TAF8: variants seen among roughly 807,000 people sequenced by gnomAD.
TAF8 encodes the protein TATA-box binding protein associated factor 8.
Under a neutral mutation model 36.5 loss-of-function variants are expected in TAF8, and 47 were observed. The ratio of observed to expected loss-of-function variants is 1.29; its 90% CI spans 1.02 to 1.64. The LOEUF is 1.64. Ranked by LOEUF, TAF8 falls within the 40% of genes most tolerant of loss-of-function variation. The probability of loss-of-function intolerance (pLI) is 0.00; values close to 1 mark genes in which losing one functional copy is unlikely to be tolerated. For missense variants in TAF8, 420 were observed against 407.6 expected (o/e 1.03, Z -0.26); for synonymous variants, 175 against 159.5 (o/e 1.10, Z -0.73).
At chr6:42,067,894 A>G (rs565189545) in intron 6 of TAF8, among the ~76,000 whole-genome samples, 1 of 152,128 alleles carries the variant, frequency 6.6e-6, no homozygotes, top group Admixed American at 6.5e-5. Context: ...TTTTTATTCA[A>G]TTTCTTCCTC....
In TAF8 at chr6:42,060,478, A is replaced by C. The variant is rs188490260; in HGVS notation, c.489+2965A>C. 2.0e-3 allele frequency among the ~76,000 whole-genome samples: 297 copies of C among 152,300 alleles called. 1 individual carries two copies. Among genetic ancestry groups the C allele is most frequent in the African/African-American group, 6.6e-3 (274 of 41,568 alleles). ...TGTTCCATGAAGAATCTCAGATAAG[A>C]CTTTTTAAAAGCCGAGCCCAGCCAT... On this transcript the variant is annotated intron_variant, in intron 5 of 8. Transcript: ENST00000372977.
In TAF8 at chr6:42,080,497, T is replaced by A. The variant is rs1765891895; in HGVS notation, c.*2952T>A. ...AAGGGATTCTCCTGCCTCAGCCTCC[T>A]GAGTAGCTGGGATTACAGGCACCTA... is the stretch of plus-strand genomic sequence containing the variant. On this transcript the variant is annotated 3_prime_UTR_variant, in exon 9 of 9. Transcript: ENST00000372977. The A allele has an allele frequency of 1.0e-5, 5 of 486,678 alleles. No homozygotes were observed. In the South Asian group the frequency reaches 3.5e-4, roughly 34 times the overall value. 30.1% of individuals were successfully genotyped at this position (486,678 alleles called of 1,614,324 possible).
At chr6:42,070,799 G>A (rs535257914) in intron 7 of TAF8, among the ~76,000 whole-genome samples, 10 of 152,196 alleles carry the variant, frequency 6.6e-5, no homozygotes, top group Non-Finnish European at 1.2e-4. Flanking sequence ...ATACAGGAGA[G>A]AAAGAAAAGT....
chr6:42,050,591 G>C lies in TAF8; in HGVS notation c.45+5G>C. ...GGGGCCGGTGGCTCCGGAACGGTAAGGGCAGGAAGCGCGGGCTCGGAGCCG... is the reference window on the plus strand; with the variant it reads ...GGGGCCGGTGGCTCCGGAACGGTAACGGCAGGAAGCGCGGGCTCGGAGCCG... On this transcript the variant is annotated splice_donor_5th_base_variant and intron_variant, in intron 1 of 8. Coordinates refer to ENST00000372977, the MANE Select transcript of TAF8 (RefSeq NM_138572.3). 1.3e-6 allele frequency: 2 copies of C among 1,551,014 alleles called. No homozygotes were observed. Among genetic ancestry groups the C allele is most frequent in the Non-Finnish European group, 1.7e-6 (2 of 1,148,514 alleles).
chr6:42,066,338 C>T lies in TAF8; in HGVS notation c.516C>T (p.Tyr172=), dbSNP rs757391083. 6.2e-6 allele frequency: 10 copies of T among 1,614,012 alleles called. No individual in the cohort carries two copies. The South Asian group carries it at 8.8e-5, about 14-fold the overall frequency. Residue 172 remains tyrosine (Y), a synonymous_variant, in exon 6 of 9, where the codon TAC becomes TAT. Coordinates refer to ENST00000372977, the MANE Select transcript of TAF8 (RefSeq NM_138572.3). ...TPTYREPVSD[Y]QVLREKAASQ... is the part of the protein sequence containing the mutation. ...CGTACCGTGAGCCCGTGTCAGACTA[C>T]CAGGTCCTGCGGGAGAAGGCTGCAT...
In TAF8 at chr6:42,077,827, C is replaced by T; in HGVS notation, c.*282C>T. 6.5e-6 allele frequency: 7 copies of T among 1,080,630 alleles called. No individual in the cohort carries two copies. Among genetic ancestry groups the T allele is most frequent in the Non-Finnish European group, 7.2e-6 (6 of 831,806 alleles). 66.9% of individuals were successfully genotyped at this position (1,080,630 alleles called of 1,614,324 possible). ...CTGGAATGCAGTGGTGTGATCTCAG[C>T]TCACTGCAGTCTCAGCAACCCTGGG... On this transcript the variant is annotated 3_prime_UTR_variant, in exon 9 of 9. Transcript: ENST00000372977.
chr6:42,050,766 G>T, intron 1 of TAF8, 180 bp downstream of exon 1: 1 of 959,730 alleles, frequency 1.0e-6, no homozygotes, highest in African/African-American at 1.7e-5. Flanking sequence ...CTCCGGAGTT[G>T]GCGGACCTGT....
rs769766503 is a variant in TAF8 at position 42,077,127 on chromosome 6, A to G, written c.808A>G (p.Thr270Ala). Residue 270 changes from threonine to alanine, a missense_variant, in exon 8 of 9, where the codon ACC becomes GCC. Physicochemically the swap from Thr to Ala is moderately conservative, Grantham distance 58. Coordinates refer to ENST00000372977, the MANE Select transcript of TAF8 (RefSeq NM_138572.3). ...MEDSGAEKEN[T>A]SVLQQNPSLS... Reference sequence around the variant, plus strand: ...GGATTCTGGAGCCGAGAAGGAGAACACCTCTGTCCTGCAGCAGAACCCCTC... The same window carrying G: ...GGATTCTGGAGCCGAGAAGGAGAACGCCTCTGTCCTGCAGCAGAACCCCTC... 9.9e-6 allele frequency: 16 copies of G among 1,613,126 alleles called. No homozygotes were observed. Among genetic ancestry groups the G allele is most frequent in the Non-Finnish European group, 1.3e-5 (15 of 1,179,474 alleles).
At chr6:42,054,334 A>C (rs147663761) in intron 2 of TAF8, among the ~76,000 whole-genome samples, 1 of 152,354 alleles carries the variant, frequency 6.6e-6, no homozygotes, top group Non-Finnish European at 1.5e-5. Context: ...TGAGATATTC[A>C]TAAAAAAATT....
intron 6 of TAF8, among the ~76,000 whole-genome samples, chr6:42,067,615 T>G (rs560186783): frequency 8.5e-5 from 13 of 152,290 alleles, no homozygotes; most frequent in Admixed American, 7.8e-4. Flanking sequence ...TGTCGCCCAG[T>G]CTTGAGTACA....
At chr6:42,076,538 C>A (rs1379111213) in intron 7 of TAF8, among the ~76,000 whole-genome samples, 1 of 152,210 alleles carries the variant, frequency 6.6e-6, no homozygotes, top group African/African-American at 2.4e-5. Context: ...GGCTCTGCGT[C>A]CCTTAGTGGA....
At chr6:42,070,731 TAAAAG>T (rs1009634418) in intron 7 of TAF8, among the ~76,000 whole-genome samples, 3 of 152,070 alleles carry the variant, frequency 2.0e-5, no homozygotes, top group Admixed American at 1.3e-4. Flanking sequence ...TTTTTTAAGA[TAAAAG>T]AAATAACGTG....
At chr6:42,067,612 C>T (rs1231273600) in intron 6 of TAF8, among the ~76,000 whole-genome samples, 1 of 152,150 alleles carries the variant, frequency 6.6e-6, no homozygotes, top group Admixed American at 6.6e-5. Flanking sequence ...CTTTGTCGCC[C>T]AGTCTTGAGT....
At position 42,066,435 on chromosome 6, in the gene TAF8, A is replaced by G; in HGVS notation, c.613A>G (p.Lys205Glu). The G allele has an allele frequency of 6.2e-7, 1 of 1,614,172 alleles. No homozygotes were observed. The highest frequency in any genetic ancestry group is 8.5e-7 in the Non-Finnish European group (1 of 1,180,008). The change falls in exon 6 of 9, where the codon AAA becomes GAA. Residue 205 changes from lysine (K) to glutamate (E), a missense_variant. Coordinates refer to ENST00000372977, the MANE Select transcript of TAF8 (RefSeq NM_138572.3). Reference protein sequence around the residue: ...AKTGETQSLFKDDVSTFPLIA... With the variant: ...AKTGETQSLFEDDVSTFPLIA... ...GACAGGCGAGACTCAGAGTCTTTTC[A>G]AAGATGACGTCAGCACATTTCCATG...
intron 7 of TAF8, among the ~76,000 whole-genome samples, chr6:42,069,830 AGCTGTT>A (rs1765498775): frequency 6.6e-6 from 1 of 152,080 alleles, no homozygotes; most frequent in Admixed American, 6.6e-5. Flanking sequence ...TGAGTCCTGG[AGCTGTT>A]GCTGTGTGTA....
chr6:42,060,200 A>G (rs2493831), intron 5 of TAF8, among the ~76,000 whole-genome samples: 101,849 of 151,992 alleles, frequency 0.67, 34,351 homozygotes, highest in African/African-American at 0.74. Context: ...CTAACCCACA[A>G]AGACTTTAGA....
chr6:42,051,470 C>G lies in TAF8; in HGVS notation c.159C>G (p.Ala53=), dbSNP rs778638815. Reference sequence around the variant, plus strand: ...TGACAGAGGCAGGGTTTGAGAGTGCCGAGAAAGCATCCGTGGAAACGCTGA... The same window carrying G: ...TGACAGAGGCAGGGTTTGAGAGTGCGGAGAAAGCATCCGTGGAAACGCTGA... ...SLLTEAGFES[A]EKASVETLTE... The change falls in exon 2 of 9, where the codon GCC becomes GCG. Residue 53 remains alanine, a synonymous_variant. Coordinates refer to ENST00000372977, the MANE Select transcript of TAF8 (RefSeq NM_138572.3). 9 of 1,613,836 alleles carry G rather than the reference C, an allele frequency of 5.6e-6. No homozygotes were observed. In the Admixed American group the frequency reaches 1.0e-4, roughly 18 times the overall value.
rs969616815 is a variant in TAF8, at chr6:42,079,244, G to C, written c.*1699G>C. On this transcript the variant is annotated 3_prime_UTR_variant, in exon 9 of 9. Coordinates refer to ENST00000372977, the MANE Select transcript of TAF8 (RefSeq NM_138572.3). ...TGAGAAACGGCTGGTCAGCTGGAAGGCTGGTGGATGGGCAGGAGTGAGCCA... is the reference window on the plus strand; with the variant it reads ...TGAGAAACGGCTGGTCAGCTGGAAGCCTGGTGGATGGGCAGGAGTGAGCCA... 5.1e-6 allele frequency: 5 copies of C among 985,498 alleles called. No individual in the cohort carries two copies. In the African/African-American group the frequency reaches 5.2e-5, roughly 10 times the overall value. 61.0% of individuals were successfully genotyped at this position (985,498 alleles called of 1,614,324 possible).
At chr6:42,075,919 C>CAGT (rs1395696384) in intron 7 of TAF8, among the ~76,000 whole-genome samples, 1 of 152,140 alleles carries the variant, frequency 6.6e-6, no homozygotes, top group African/African-American at 2.4e-5. Flanking sequence ...AAAAAATGAA[C>CAGT]AGTAAAGCGG....
Sources: allele counts gnomAD v4.1 joint callset (sites outside exome capture counted in the v4.1 genomes callset), GRCh38; gene constraint gnomAD v4.1.1; transcripts MANE v1.5; gene names NCBI Gene and HGNC (gene_info 2026-07-23, HGNC 2026-07-21).